ELP4: variants seen among roughly 807,000 people sequenced by gnomAD.
ELP4 encodes the protein elongator complex protein 4.
ELP4 carries 51 observed loss-of-function variants against 48.9 expected under a neutral mutation model. That is an observed-to-expected ratio of 1.04 (90% CI 0.83 to 1.32). The LOEUF is 1.32. Among genes scored for constraint, ELP4 ranks in the 40% most tolerant of loss-of-function variants. ELP4 has a pLI of 0.00. For synonymous variants in ELP4, 210 were observed against 189.2 expected, an observed-to-expected ratio of 1.11 and a Z score of -0.90; for missense variants, 519 against 514.6, an observed-to-expected ratio of 1.01 and a Z score of -0.08.
chr11:31,516,646 C>A (rs774990225), intron 1 of ELP4, among the ~76,000 whole-genome samples: 11 of 152,270 alleles, frequency 7.2e-5, no homozygotes, highest in Non-Finnish European at 1.3e-4. Context: ...CAGGTGGCAG[C>A]ACGCCTTGCT....
intron 9 of ELP4, among the ~76,000 whole-genome samples, chr11:31,683,952 T>G (rs565974081): frequency 6.6e-5 from 10 of 152,194 alleles, no homozygotes; most frequent in African/African-American, 2.2e-4. Context: ...ATCAACATGG[T>G]TTTGGTTATT....
chr11:31,522,776 C>T (rs1956236452), intron 2 of ELP4, among the ~76,000 whole-genome samples: 1 of 152,096 alleles, frequency 6.6e-6, no homozygotes, highest in Non-Finnish European at 1.5e-5. Flanking sequence ...ACCCTAATCT[C>T]ACCCTTGACA....
chr11:31,750,962 A>G (rs1267899201), intron 9 of ELP4, among the ~76,000 whole-genome samples: 1 of 152,254 alleles, frequency 6.6e-6, no homozygotes, highest in Non-Finnish European at 1.5e-5. Flanking sequence ...TCCACAGAAG[A>G]GAATTCTTCA....
intron 9 of ELP4, among the ~76,000 whole-genome samples, chr11:31,732,469 T>TA (rs34416979): frequency 0.59 from 81,092 of 136,430 alleles, 23,771 homozygotes; most frequent in African/African-American, 0.71. Context: ...AGCATGTCAC[T>TA]AAAAAAAAAA....
At chr11:31,740,107 A>G (rs928306141) in intron 9 of ELP4, among the ~76,000 whole-genome samples, 1 of 152,244 alleles carries the variant, frequency 6.6e-6, no homozygotes, top group African/African-American at 2.4e-5. Flanking sequence ...TCATTTTAAA[A>G]TTTGTACTGA....
At chr11:31,624,369 G>A (rs1325688477) in intron 5 of ELP4, among the ~76,000 whole-genome samples, 14 of 151,704 alleles carry the variant, frequency 9.2e-5, no homozygotes, top group African/African-American at 3.4e-4. Context: ...TTACTGGACT[G>A]AATAGGCAAT....
chr11:31,624,575 C>G (rs1592168526), intron 5 of ELP4, among the ~76,000 whole-genome samples: 2 of 151,524 alleles, frequency 1.3e-5, no homozygotes, highest in African/African-American at 4.8e-5. Context: ...CTACTGTAGA[C>G]TTTATAACTG....
intron 9 of ELP4, among the ~76,000 whole-genome samples, chr11:31,693,855 T>C (rs1946337345): frequency 6.6e-6 from 1 of 152,238 alleles, no homozygotes; most frequent in Non-Finnish European, 1.5e-5. Flanking sequence ...ATCGCCACTC[T>C]AACTGGTATG....
chr11:31,706,945 T>C (rs192810797), intron 9 of ELP4: 19 of 398,260 alleles, frequency 4.8e-5, no homozygotes, highest in African/African-American at 3.9e-4. Context: ...ATTATTCCAT[T>C]GTGTATGTAT....
chr11:31,705,363 G>C (rs1025996587), intron 9 of ELP4, among the ~76,000 whole-genome samples: 1 of 152,056 alleles, frequency 6.6e-6, no homozygotes, highest in African/African-American at 2.4e-5. Flanking sequence ...CCGCCCAAAA[G>C]CCCCACTGTC....
At chr11:31,750,582 A>T (rs1210378841) in intron 9 of ELP4, among the ~76,000 whole-genome samples, 1 of 151,834 alleles carries the variant, frequency 6.6e-6, no homozygotes, top group Non-Finnish European at 1.5e-5. Context: ...ACTGTTGCTC[A>T]GTTTACTTCC....
At chr11:31,731,567 G>GGTGTGTGTGTGTGTGTGTGTGTGTGTGT (rs148076836) in intron 9 of ELP4, among the ~76,000 whole-genome samples, 100 of 142,854 alleles carry the variant, frequency 7.0e-4, no homozygotes, top group African/African-American at 2.2e-3. Flanking sequence ...CCATTAAGCA[G>GGTGTGTGTGTGTGTGTGTGTGTGTGTGT]GTGTGTGTGT....
chr11:31,770,772 C>G (rs1329450084), intron 9 of ELP4, among the ~76,000 whole-genome samples: 5 of 139,326 alleles, frequency 3.6e-5, no homozygotes, highest in African/African-American at 1.4e-4. Flanking sequence ...GATGTGTTAG[C>G]ACATGCCTGT....
chr11:31,609,950 G>A (rs1048147446), intron 5 of ELP4, among the ~76,000 whole-genome samples: 3 of 152,136 alleles, frequency 2.0e-5, no homozygotes, highest in African/African-American at 7.2e-5. Context: ...GGAGACTAAG[G>A]TGGGAGAATC....
At chr11:31,754,934 C>T (rs545987251) in intron 9 of ELP4, among the ~76,000 whole-genome samples, 1 of 152,256 alleles carries the variant, frequency 6.6e-6, no homozygotes, top group Admixed American at 6.5e-5. Context: ...ATTCTAGTGC[C>T]AGTTCTTGCT....
At chr11:31,544,312 C>G (rs1189151170) in intron 3 of ELP4, among the ~76,000 whole-genome samples, 1 of 152,220 alleles carries the variant, frequency 6.6e-6, no homozygotes, top group Non-Finnish European at 1.5e-5. Context: ...CTGCACTTTT[C>G]AGATGGGTTT....
intron 9 of ELP4, among the ~76,000 whole-genome samples, chr11:31,698,302 T>C (rs1285629654): frequency 1.3e-5 from 2 of 152,214 alleles, no homozygotes; most frequent in African/African-American, 4.8e-5. Flanking sequence ...AATTAAAACC[T>C]CTTTCAAACC....
intron 5 of ELP4, 92 bp from the exon 6 acceptor site, chr11:31,627,018 C>T: frequency 2.0e-5 from 14 of 692,154 alleles, no homozygotes; most frequent in South Asian, 6.0e-5. Context: ...AAATGTATGC[C>T]TTTTAATTAT....
intron 3 of ELP4, among the ~76,000 whole-genome samples, chr11:31,561,087 T>C (rs1704692842): frequency 2.6e-5 from 4 of 152,160 alleles, no homozygotes; most frequent in Non-Finnish European, 4.4e-5. Context: ...CACCCACACA[T>C]ACTCATGCAT....
Sources: allele counts gnomAD v4.1 joint callset (sites outside exome capture counted in the v4.1 genomes callset), GRCh38; gene constraint gnomAD v4.1.1; transcripts MANE v1.5; gene names NCBI Gene and HGNC (gene_info 2026-07-23, HGNC 2026-07-21).